P4HA1: variants seen among roughly 807,000 people sequenced by gnomAD.
P4HA1 encodes prolyl 4-hydroxylase subunit alpha 1.
P4HA1 carries 24 observed loss-of-function variants against 72.8 expected under a neutral mutation model. The observed-to-expected ratio is 0.33, with a 90% CI of 0.24 to 0.46. The LOEUF is 0.46. P4HA1 is among the 20% of genes least tolerant of loss of function. The pLI, the probability that P4HA1 is intolerant of heterozygous loss-of-function variation, is 1.00. For synonymous variants in P4HA1, 201 were observed against 218.8 expected, an observed-to-expected ratio of 0.92 and a Z score of 0.72; for missense variants, 446 against 640.6, an observed-to-expected ratio of 0.70 and a Z score of 3.28.
In P4HA1 at chr10:73,037,525, CTATATATATATATATA is replaced by C. The variant is rs869107512; in HGVS notation, c.1149-7171_1149-7156del. Among the ~76,000 whole-genome samples, 30 of 34,302 alleles carry C rather than the reference CTATATATATATATATA, an allele frequency of 8.7e-4. 1 individual carries two copies. Among genetic ancestry groups the C allele is most frequent in the African/African-American group, 2.5e-3 (21 of 8,302 alleles). The allele number at this position is 34,302 out of a possible 152,430, so 22.5% of individuals were successfully genotyped here. On this transcript the variant is annotated intron_variant, in intron 9 of 14. Transcript: ENST00000394890. ...TCTATGATTAGCTAATCGAAAACCA[CTATATATATATATATA>C]TATATATATATATATATATATATAT...
intron 1 of P4HA1, among the ~76,000 whole-genome samples, chr10:73,089,230 C>A (rs1223958828): frequency 6.6e-6 from 1 of 152,102 alleles, no homozygotes; most frequent in Non-Finnish European, 1.5e-5. Flanking sequence ...GAATTTTTCA[C>A]TTTAGTTTCT....
At chr10:73,086,971 C>T (rs1421817579) in intron 1 of P4HA1, among the ~76,000 whole-genome samples, 2 of 145,176 alleles carry the variant, frequency 1.4e-5, no homozygotes, top group Non-Finnish European at 3.0e-5. Flanking sequence ...AGGAAATCAA[C>T]CTAAGTTCTC....
chr10:73,063,406 A>AC (rs1841354184), intron 5 of P4HA1, among the ~76,000 whole-genome samples: 1 of 152,212 alleles, frequency 6.6e-6, no homozygotes, highest in Admixed American at 6.5e-5. Flanking sequence ...TGTAGGCCCC[A>AC]CCTCTTAATA....
intron 9 of P4HA1, among the ~76,000 whole-genome samples, chr10:73,040,512 T>C (rs536893493): frequency 6.7e-6 from 1 of 150,230 alleles, no homozygotes; most frequent in East Asian, 2.0e-4. Flanking sequence ...GATCTCTCTC[T>C]GTCGCCAGGC....
At position 73,093,852 on chromosome 10, in the gene P4HA1, A is replaced by T. The variant is rs1175527995; in HGVS notation, c.-33+2914T>A. On this transcript the variant is annotated intron_variant, in intron 1 of 14. Transcript: ENST00000394890. ...AGTGAAACTCCATCTCAAAAAAAAA[A>T]AAAAAAAAAAAAAAAAAAAAAATAT... Among the ~76,000 whole-genome samples, 15 of 53,576 alleles carry T rather than the reference A, an allele frequency of 2.8e-4. 2 individuals are homozygous for T. The highest frequency in any genetic ancestry group is 1.4e-3 in the African/African-American group (14 of 9,958). 35.1% of individuals were successfully genotyped at this position (53,576 alleles called of 152,430 possible).
At chr10:73,019,049 G>A (rs1264197434) in intron 10 of P4HA1, among the ~76,000 whole-genome samples, 1 of 151,358 alleles carries the variant, frequency 6.6e-6, no homozygotes, top group African/African-American at 2.5e-5. Flanking sequence ...CCACCAAGAA[G>A]ACTCCCACTG....
chr10:73,043,106 A>G (rs1030365441), intron 9 of P4HA1, among the ~76,000 whole-genome samples: 6 of 152,220 alleles, frequency 3.9e-5, no homozygotes, highest in Non-Finnish European at 7.3e-5. Flanking sequence ...CTGGATTGTT[A>G]CTATAATTAT....
intron 1 of P4HA1, among the ~76,000 whole-genome samples, chr10:73,081,621 T>G (rs189573601): frequency 1.4e-4 from 22 of 152,308 alleles, no homozygotes; most frequent in African/African-American, 5.3e-4. Flanking sequence ...CAATCAAACC[T>G]GGGAACAGAT....
intron 9 of P4HA1, among the ~76,000 whole-genome samples, chr10:73,040,167 G>T (rs1840698760): frequency 6.6e-6 from 1 of 151,986 alleles, no homozygotes; most frequent in Admixed American, 6.6e-5. Flanking sequence ...ACCATGCCCG[G>T]CCTTCTAATG....
At chr10:73,035,266 A>T (rs1404613065) in intron 9 of P4HA1, among the ~76,000 whole-genome samples, 2 of 152,060 alleles carry the variant, frequency 1.3e-5, no homozygotes, top group Non-Finnish European at 2.9e-5. Context: ...ATAACCTCCC[A>T]GCACTTTGGG....
At chr10:73,013,980 T>C (rs1383402682) in intron 12 of P4HA1, among the ~76,000 whole-genome samples, 1 of 152,188 alleles carries the variant, frequency 6.6e-6, no homozygotes, top group Admixed American at 6.5e-5. Context: ...TGTTAAAATA[T>C]TAATGATTAT....
chr10:73,079,614 C>T (rs1465983989), intron 1 of P4HA1, among the ~76,000 whole-genome samples: 6 of 151,916 alleles, frequency 3.9e-5, no homozygotes, highest in African/African-American at 7.3e-5. Flanking sequence ...TGGTGGCAGG[C>T]GCCTATAATC....
intron 14 of P4HA1, 187 bp downstream of exon 14, chr10:73,009,616 AAAAT>A: frequency 2.6e-6 from 1 of 381,912 alleles, no homozygotes; most frequent in South Asian, 5.0e-5. Context: ...AAAATAGTTA[AAAAT>A]AAAATCTGTC....
Position 73,072,219 on chromosome 10 carries a change from C to T in P4HA1, c.174-39G>A, listed in dbSNP as rs1471295319. ...ACATAAAAACTGAATATTTATATTT[C>T]ATAGGGAAAAACACAATTTAATGAA... On this transcript the variant is annotated intron_variant, in intron 3 of 14. Coordinates refer to ENST00000394890, the MANE Select transcript of P4HA1 (RefSeq NM_001017962.3). The T allele has an allele frequency of 2.0e-6, 3 of 1,519,116 alleles. No homozygotes were observed. The South Asian group carries it at 3.6e-5, about 18-fold the overall frequency. 94.1% of individuals were successfully genotyped at this position (1,519,116 alleles called of 1,614,324 possible).
chr10:73,009,158 A>G (rs936601882), intron 14 of P4HA1, among the ~76,000 whole-genome samples: 2 of 152,174 alleles, frequency 1.3e-5, no homozygotes, highest in Non-Finnish European at 2.9e-5. Flanking sequence ...CTCACTCCTT[A>G]ACCTTGTAAT....
intron 1 of P4HA1, among the ~76,000 whole-genome samples, chr10:73,075,564 T>G (rs1683728322): frequency 6.6e-6 from 1 of 152,172 alleles, no homozygotes; most frequent in South Asian, 2.1e-4. Flanking sequence ...GATTTAGACC[T>G]ATCCTATGAC....
rs375236626 is a variant in P4HA1 at position 73,091,449 on chromosome 10, G to A, written c.-33+5317C>T. On this transcript the variant is annotated intron_variant, in intron 1 of 14. Transcript: ENST00000394890. Reference sequence around the variant, plus strand: ...CCCAAAGCACTGGGATTACAGATGTGAGCCACCACGCCTAGACTAAAATAA... The same window carrying A: ...CCCAAAGCACTGGGATTACAGATGTAAGCCACCACGCCTAGACTAAAATAA... 2.0e-4 allele frequency among the ~76,000 whole-genome samples: 31 copies of A among 152,198 alleles called. No homozygotes were observed. The East Asian group carries it at 3.5e-3, about 17-fold the overall frequency.
chr10:73,078,889 G>T (rs1216325097), intron 1 of P4HA1, among the ~76,000 whole-genome samples: 1 of 152,042 alleles, frequency 6.6e-6, no homozygotes, highest in African/African-American at 2.4e-5. Context: ...TGGGATTACA[G>T]GCGTGAGCCA....
chr10:73,073,516 C>T (rs1171216808), intron 3 of P4HA1, among the ~76,000 whole-genome samples: 4 of 152,126 alleles, frequency 2.6e-5, no homozygotes, highest in African/African-American at 2.4e-5. Context: ...CCACCGCATC[C>T]GGCTGGTATC....
Sources: gnomAD v4.1 joint callset for allele counts (sites outside exome capture counted in the v4.1 genomes callset) on GRCh38, gnomAD v4.1.1 for gene constraint, MANE v1.5 for transcripts, NCBI Gene and HGNC (gene_info 2026-07-23, HGNC 2026-07-21) for gene names.